The following TMEM184B variants were observed in gnomAD, a reference collection of about 807,000 sequenced individuals.
TMEM184B encodes transmembrane protein 184B.
In TMEM184B, 17 loss-of-function variants were observed where a neutral mutation model predicts 41.8. That is an observed-to-expected ratio of 0.41 (90% CI 0.28 to 0.61). The LOEUF is 0.61. Ranked by LOEUF, TMEM184B falls within the 20% of genes least tolerant of loss-of-function variation. The pLI is 0.34. For synonymous variants in TMEM184B, 240 were observed against 229.5 expected, an observed-to-expected ratio of 1.05 and a Z score of -0.41; for missense variants, 393 against 557.8, an observed-to-expected ratio of 0.70 and a Z score of 2.98.
chr22:38,233,614 G>A (rs1022637468), intron 3 of TMEM184B, among the ~76,000 whole-genome samples: 1 of 152,180 alleles, frequency 6.6e-6, no homozygotes, highest in African/African-American at 2.4e-5. Flanking sequence ...GAACTATGGG[G>A]CAAAGGGAAA....
At chr22:38,266,097 G>A (rs1352680012) in intron 1 of TMEM184B, among the ~76,000 whole-genome samples, 1 of 152,184 alleles carries the variant, frequency 6.6e-6, no homozygotes, top group Admixed American at 6.5e-5. Context: ...AGTAACTTCC[G>A]GAGGTCTCAC....
chr22:38,220,090 G>A lies in TMEM184B; in HGVS notation c.*1379C>T, dbSNP rs1429396441. 2.2e-5 allele frequency: 22 copies of A among 985,322 alleles called. No individual in the cohort carries two copies. The highest frequency in any genetic ancestry group is 5.2e-4 in the Middle Eastern group (1 of 1,938). The allele number at this position is 985,322 out of a possible 1,614,324, so 61.0% of individuals were successfully genotyped here. On this transcript the variant is annotated 3_prime_UTR_variant, in exon 9 of 9. Transcript: ENST00000361906. The stretch of plus-strand genomic sequence containing the variant: ...GCAGCCCAAACCCAGGGATAATCTG[G>A]GTTTTAAATGCCAGGACACTTTGCC...
chr22:38,248,800 C>T (rs1414873640), intron 1 of TMEM184B, among the ~76,000 whole-genome samples: 4 of 152,166 alleles, frequency 2.6e-5, no homozygotes, highest in African/African-American at 7.2e-5. Context: ...ATCTTTATAC[C>T]CTGGAGCCAG....
In TMEM184B at chr22:38,247,892, C is replaced by G. The variant is rs141110992; in HGVS notation, c.70G>C (p.Val24Leu). 6.2e-7 allele frequency: 1 copy of G among 1,610,424 alleles called. No homozygotes were observed. Among genetic ancestry groups the G allele is most frequent in the Non-Finnish European group, 8.5e-7 (1 of 1,179,162 alleles). ...SPTTAAASPS[V>L]SVIPEGSPTA... ...GGGCTGCCCTCGGGGATCACGGAGA[C>G]GCTGGGCGAGGCTGCTGCGGTCGTG... The change falls in exon 2 of 9, where the codon GTC becomes CTC. Residue 24 changes from valine to leucine, a missense_variant. Val to Leu is a conservative substitution (Grantham distance 32). Transcript: ENST00000361906.
At chr22:38,217,830 C>CAAAAAAA (rs374397588), downstream of TMEM184B, among the ~76,000 whole-genome samples, 21 of 87,300 alleles carry the variant, frequency 2.4e-4, no homozygotes, top group Non-Finnish European at 3.7e-4. Flanking sequence ...GACTCCATCT[C>CAAAAAAA]AAAAAAAAAA....
In TMEM184B at chr22:38,230,653, T is replaced by C; in HGVS notation, c.525+16A>G. The C allele has an allele frequency of 6.2e-7, 1 of 1,605,622 alleles. No homozygotes were observed. The highest frequency in any genetic ancestry group is 8.5e-7 in the Non-Finnish European group (1 of 1,176,280). On this transcript the variant is annotated intron_variant, in intron 5 of 8. Coordinates refer to ENST00000361906, the MANE Select transcript of TMEM184B (RefSeq NM_012264.5). ...CCCTGCTCCTCCTGAGCTAGGCAGC[T>C]GCTGGGGGCACACACCTGTTTGCAG...
At position 38,237,500 on chromosome 22, in the gene TMEM184B, T is replaced by C. The variant is rs1602409821; in HGVS notation, c.359-6166A>G. ...CCTTCAGCGCCTAAAGCTGGCCTCA[T>C]GGCCCAGCCTTCTGCTGCAGAGAAA... On this transcript the variant is annotated intron_variant, in intron 3 of 8. Coordinates refer to ENST00000361906, the MANE Select transcript of TMEM184B (RefSeq NM_012264.5). Among the ~76,000 whole-genome samples the C allele has an allele frequency of 7.2e-5, 11 of 152,250 alleles. No homozygotes were observed. The South Asian group carries it at 2.3e-3, about 31-fold the overall frequency.
intron 1 of TMEM184B, among the ~76,000 whole-genome samples, chr22:38,250,201 C>T (rs542923648): frequency 3.3e-5 from 5 of 152,342 alleles, no homozygotes; most frequent in South Asian, 2.1e-4. Flanking sequence ...CCTGGCCCCG[C>T]GATGCAGAGG....
intron 3 of TMEM184B, 123 bp downstream of exon 3, chr22:38,245,812 G>C: frequency 1.9e-6 from 2 of 1,032,728 alleles, no homozygotes; most frequent in South Asian, 3.1e-5. Context: ...CCCTGTAGTA[G>C]GTAAAGCAGC....
intron 1 of TMEM184B, among the ~76,000 whole-genome samples, chr22:38,254,987 A>G (rs1238364535): frequency 6.0e-5 from 9 of 150,164 alleles, no homozygotes; most frequent in African/African-American, 2.0e-4. Flanking sequence ...AGTAGCTGGG[A>G]TTACAGGTGC....
intron 5 of TMEM184B, among the ~76,000 whole-genome samples, 177 bp from the exon 6 acceptor site, chr22:38,227,047 G>A (rs2145575116): frequency 6.6e-6 from 1 of 150,522 alleles, no homozygotes; most frequent in East Asian, 1.9e-4. Flanking sequence ...GGAGGGGATG[G>A]AAGGATAGAG....
intron 1 of TMEM184B, 91 bp from the exon 2 acceptor site, chr22:38,248,110 C>G (rs1420223228): frequency 1.4e-6 from 2 of 1,437,400 alleles, no homozygotes; most frequent in Non-Finnish European, 1.8e-6. Context: ...CACCTCCTGA[C>G]CATGTCTGTA....
rs368289050 is a variant in TMEM184B, at chr22:38,226,122, C to G, written c.618-529G>C. Among the ~76,000 whole-genome samples, 45 of 151,468 alleles carry G rather than the reference C, an allele frequency of 3.0e-4. No homozygotes were observed. In the South Asian group the frequency reaches 9.2e-3, roughly 31 times the overall value. On this transcript the variant is annotated intron_variant, in intron 6 of 8. Coordinates refer to ENST00000361906, the MANE Select transcript of TMEM184B (RefSeq NM_012264.5). The surrounding 1 kb of genome is among the most constrained non-coding windows in gnomAD (Gnocchi z 4.6). ...GATATGGAGTTTTGTTCTTGTCACC[C>G]AGGCTAGAGTGCAATGGCGTGATCT...
At chr22:38,240,467 TAAAGA>T (rs2091879505) in intron 3 of TMEM184B, among the ~76,000 whole-genome samples, 1 of 151,718 alleles carries the variant, frequency 6.6e-6, no homozygotes, top group African/African-American at 2.4e-5. Flanking sequence ...CAGAAAATTA[TAAAGA>T]AAATCTGAGG....
chr22:38,262,169 C>T (rs1044103281), intron 1 of TMEM184B, among the ~76,000 whole-genome samples: 1 of 152,252 alleles, frequency 6.6e-6, no homozygotes, highest in Non-Finnish European at 1.5e-5. Context: ...CCGTTCTGTA[C>T]ACTCTGTGTG....
At position 38,221,135 on chromosome 22, in the gene TMEM184B, C is replaced by T. The variant is rs1287464366; in HGVS notation, c.*334G>A. ...AGGAGGGGCTAGAAGGCTGCAGCCG[C>T]TGGTCCACACACAAGCATTGGGGCC... On this transcript the variant is annotated 3_prime_UTR_variant, in exon 9 of 9. Transcript: ENST00000361906. The T allele has an allele frequency of 3.5e-6, 4 of 1,151,288 alleles. No individual in the cohort carries two copies. The highest frequency in any genetic ancestry group is 4.3e-6 in the Non-Finnish European group (4 of 933,588). 71.3% of individuals were successfully genotyped at this position (1,151,288 alleles called of 1,614,324 possible). A position where few individuals can be genotyped will look rare whatever the true frequency, so the allele number is the denominator to read the frequency against.
intron 1 of TMEM184B, among the ~76,000 whole-genome samples, chr22:38,250,097 G>C (rs2145710309): frequency 6.6e-6 from 1 of 152,312 alleles, no homozygotes; most frequent in South Asian, 2.1e-4. Context: ...ATGATCTCAT[G>C]GTCCCTTCCA....
chr22:38,242,815 C>G (rs1168416806), intron 3 of TMEM184B, among the ~76,000 whole-genome samples: 2 of 151,996 alleles, frequency 1.3e-5, no homozygotes, highest in Non-Finnish European at 2.9e-5. Context: ...TGTAATCCCA[C>G]CACTTTGGGA....
downstream of TMEM184B, among the ~76,000 whole-genome samples, chr22:38,217,841 A>G (rs2091168650): frequency 6.9e-6 from 1 of 145,838 alleles, no homozygotes; most frequent in Non-Finnish European, 1.5e-5. Flanking sequence ...AAAAAAAAAA[A>G]AAAAAAGAAA....
Sources: gnomAD v4.1 joint callset for allele counts (sites outside exome capture counted in the v4.1 genomes callset) on GRCh38, gnomAD v4.1.1 for gene constraint, Gnocchi (gnomAD v3.1) non-coding constraint, MANE v1.5 for transcripts, NCBI Gene and HGNC (gene_info 2026-07-23, HGNC 2026-07-21) for gene names.